TBC1D32: variants seen among roughly 807,000 people sequenced by gnomAD.
The protein encoded by TBC1D32 is TBC1 domain family member 32, also known as protein broad-minded.
A neutral mutation model predicts 170.3 loss-of-function variants in TBC1D32; 151 were observed. The observed-to-expected ratio is 0.89, with a 90% CI of 0.78 to 1.01. The LOEUF (loss-of-function observed/expected upper bound fraction) is 1.01, where lower values mean the gene tolerates loss of function less well. TBC1D32 is among the 50% of genes least tolerant of loss of function. TBC1D32 has a pLI of 0.00. For missense variants in TBC1D32, 1,464 were observed against 1,457.1 expected, an observed-to-expected ratio of 1.00 and a Z score of -0.08; for synonymous variants, 498 against 488.0, an observed-to-expected ratio of 1.02 and a Z score of -0.27.
intron 12 of TBC1D32, among the ~76,000 whole-genome samples, chr6:121,286,534 C>T (rs1457541852): frequency 6.6e-6 from 1 of 152,016 alleles, no homozygotes; most frequent in African/African-American, 2.4e-5. Flanking sequence ...GATTGGTGTA[C>T]CTGAAAGTGA....
chr6:121,277,947 A>G (rs1360983148), intron 15 of TBC1D32, among the ~76,000 whole-genome samples: 6 of 151,994 alleles, frequency 3.9e-5, no homozygotes, highest in Admixed American at 6.6e-5. Context: ...TACTCATTTC[A>G]ATGATATTAA....
At chr6:121,302,612 C>G (rs1806659696) in intron 9 of TBC1D32, among the ~76,000 whole-genome samples, 1 of 151,942 alleles carries the variant, frequency 6.6e-6, no homozygotes, top group Admixed American at 6.6e-5. Flanking sequence ...AAAATCTTAA[C>G]AGTTGTTATC....
intron 22 of TBC1D32, among the ~76,000 whole-genome samples, chr6:121,176,687 C>T (rs966364407): frequency 6.6e-6 from 1 of 152,054 alleles, no homozygotes; most frequent in African/African-American, 2.4e-5. Context: ...CAACCTCCAC[C>T]TCCCAGGTTT....
chr6:121,093,743 TC>T, intron 30 of TBC1D32, among the ~76,000 whole-genome samples: 1 of 152,304 alleles, frequency 6.6e-6, no homozygotes, highest in East Asian at 1.9e-4. Context: ...CTGTACATTG[TC>T]TTTTTCTTCA....
intron 19 of TBC1D32, among the ~76,000 whole-genome samples, chr6:121,240,877 C>CA (rs35249678): frequency 0.57 from 48,390 of 84,868 alleles, 12,997 homozygotes; most frequent in Non-Finnish European, 0.66. Flanking sequence ...TTCTGTCTCA[C>CA]AAAAAAAAAA....
intron 24 of TBC1D32, among the ~76,000 whole-genome samples, chr6:121,152,526 T>C (rs1381181334): frequency 6.6e-6 from 1 of 152,200 alleles, no homozygotes; most frequent in African/African-American, 2.4e-5. Context: ...CTGTATTTCC[T>C]GAATTTGAAT....
intron 12 of TBC1D32, among the ~76,000 whole-genome samples, chr6:121,291,640 C>T (rs935516872): frequency 1.3e-5 from 2 of 152,032 alleles, no homozygotes; most frequent in African/African-American, 4.8e-5. Context: ...ACAGTATTTG[C>T]AACCTCATTT....
rs762258702 is a variant in TBC1D32 at position 121,106,020 on chromosome 6, T to G, written c.3465+3A>C. ...GGAGAAATGCTACTCCCTTATGGAT[T>G]ACCTGTGATGGTGCAAAACCAGACA... On this transcript the variant is annotated splice_donor_region_variant and intron_variant, in intron 30 of 31. Transcript: ENST00000398212. 25 of 1,601,210 alleles carry G rather than the reference T, an allele frequency of 1.6e-5. No homozygotes were observed. Among genetic ancestry groups the G allele is most frequent in the Non-Finnish European group, 2.0e-5 (24 of 1,171,670 alleles).
At chr6:121,224,718 T>C (rs1374727843) in intron 20 of TBC1D32, among the ~76,000 whole-genome samples, 1 of 152,116 alleles carries the variant, frequency 6.6e-6, no homozygotes, top group African/African-American at 2.4e-5. Context: ...GTCCATGTTA[T>C]ATCTCCTCCC....
intron 22 of TBC1D32, among the ~76,000 whole-genome samples, chr6:121,175,191 G>A (rs534418606): frequency 2.6e-5 from 4 of 152,266 alleles, no homozygotes; most frequent in Admixed American, 2.0e-4. Context: ...GGTTTAGGGA[G>A]ACACTTTTCT....
intron 22 of TBC1D32, among the ~76,000 whole-genome samples, chr6:121,162,347 T>A (rs1201639196): frequency 6.6e-6 from 1 of 152,168 alleles, no homozygotes; most frequent in African/African-American, 2.4e-5. Flanking sequence ...TACATTGAAG[T>A]ATTTAATCCA....
chr6:121,135,498 G>C (rs1448877095), intron 24 of TBC1D32, among the ~76,000 whole-genome samples: 1 of 152,144 alleles, frequency 6.6e-6, no homozygotes, highest in East Asian at 1.9e-4. Context: ...CCAATGAGGT[G>C]AGCTTTATGG....
In TBC1D32 at chr6:121,242,122, A is replaced by C. The variant is rs1378002390; in HGVS notation, c.2157+79T>G. On this transcript the variant is annotated intron_variant, in intron 18 of 31. Coordinates refer to ENST00000398212, the MANE Select transcript of TBC1D32 (RefSeq NM_152730.6). ...CAGAGGCTTAATAACTTCTTCATAC[A>C]CAGAAAACAGAATGATGTTCTTAAT... The C allele has an allele frequency of 2.8e-6, 4 of 1,440,912 alleles. No individual in the cohort carries two copies. In the East Asian group the frequency reaches 9.1e-5, roughly 33 times the overall value. 89.3% of individuals were successfully genotyped at this position (1,440,912 alleles called of 1,614,324 possible). A position where few individuals can be genotyped will look rare whatever the true frequency, so the allele number is the denominator to read the frequency against.
chr6:121,080,494 A>C lies in TBC1D32; in HGVS notation c.*277T>G. The C allele has an allele frequency of 3.6e-6, 1 of 277,590 alleles. No individual in the cohort carries two copies. The highest frequency in any genetic ancestry group is 4.6e-5 in the South Asian group (1 of 21,738). The allele number at this position is 277,590 out of a possible 1,614,324, so 17.2% of individuals were successfully genotyped here. Reference sequence around the variant, plus strand: ...CTCCCAAAGTGCTGGGATTACAGGCATGAGCCACCGCGCCTGGCCAGGACT... The same window carrying C: ...CTCCCAAAGTGCTGGGATTACAGGCCTGAGCCACCGCGCCTGGCCAGGACT... On this transcript the variant is annotated 3_prime_UTR_variant, in exon 32 of 32. Transcript: ENST00000398212.
chr6:121,143,253 T>TATACACATATGTATACATAC (rs1301033286), intron 24 of TBC1D32, among the ~76,000 whole-genome samples: 1 of 152,178 alleles, frequency 6.6e-6, no homozygotes, highest in African/African-American at 2.4e-5. Context: ...AGTGTACATA[T>TATACACATATGTATACATAC]ATACACATAT....
At chr6:121,098,865 G>C (rs563354759) in intron 30 of TBC1D32, among the ~76,000 whole-genome samples, 23 of 151,978 alleles carry the variant, frequency 1.5e-4, no homozygotes, top group African/African-American at 5.3e-4. Context: ...CACAGGAAGG[G>C]AGAAGGTATC....
At chr6:121,126,079 AGAG>A (rs1735285245) in intron 26 of TBC1D32, among the ~76,000 whole-genome samples, 1 of 152,238 alleles carries the variant, frequency 6.6e-6, no homozygotes, top group Non-Finnish European at 1.5e-5. Flanking sequence ...CAGTATAAGC[AGAG>A]GAGACCACTA....
intron 31 of TBC1D32, among the ~76,000 whole-genome samples, chr6:121,082,903 C>A (rs1775786561): frequency 6.6e-6 from 1 of 151,904 alleles, no homozygotes; most frequent in African/African-American, 2.4e-5. Context: ...TTTTAATACA[C>A]ATTTAAAAAG....
At chr6:121,268,921 A>G (rs904128718) in intron 15 of TBC1D32, among the ~76,000 whole-genome samples, 6 of 152,198 alleles carry the variant, frequency 3.9e-5, no homozygotes, top group African/African-American at 1.4e-4. Context: ...CTCTCGGCAG[A>G]CACTCTGCAA....
Sources: gnomAD v4.1 joint callset for allele counts (sites outside exome capture counted in the v4.1 genomes callset) on GRCh38, gnomAD v4.1.1 for gene constraint, MANE v1.5 for transcripts, NCBI Gene and HGNC (gene_info 2026-07-23, HGNC 2026-07-21) for gene names.